The following ADAM32 variants were observed in gnomAD, a reference collection of about 807,000 sequenced individuals.
ADAM32 encodes ADAM metallopeptidase domain 32, also known as disintegrin and metalloproteinase domain-containing protein 32.
A neutral mutation model predicts 114.9 loss-of-function variants in ADAM32; 89 were observed. The ratio of observed to expected loss-of-function variants is 0.77; its 90% confidence interval spans 0.65 to 0.92. ADAM32 has a LOEUF of 0.92. ADAM32 is among the 40% of genes least tolerant of loss of function. The probability of loss-of-function intolerance (pLI) is 0.00; values close to 1 mark genes in which losing one functional copy is unlikely to be tolerated. For missense variants in ADAM32, 870 were observed against 932.8 expected (o/e 0.93, Z 0.88); for synonymous variants, 285 against 307.5 (o/e 0.93, Z 0.77).
chr8:39,144,814 A>G (rs1393468029), intron 3 of ADAM32, among the ~76,000 whole-genome samples: 3 of 152,214 alleles, frequency 2.0e-5, no homozygotes, highest in South Asian at 2.1e-4. Flanking sequence ...AGCCACAGCA[A>G]TTAGGCAAGA....
chr8:39,211,111 A>G (rs1357216401), intron 11 of ADAM32, 33 bp from the exon 12 acceptor site: 1 of 1,394,646 alleles, frequency 7.2e-7, no homozygotes, highest in Non-Finnish European at 9.4e-7. Context: ...CCAGAAGTAT[A>G]CTGCCAATGA....
At chr8:39,268,854 G>C (rs1259866724) in intron 19 of ADAM32, among the ~76,000 whole-genome samples, 1 of 152,158 alleles carries the variant, frequency 6.6e-6, no homozygotes, top group Non-Finnish European at 1.5e-5. Context: ...AGTAGGATCA[G>C]AATAGTCACC....
chr8:39,260,561 G>A (rs183218947), intron 19 of ADAM32, among the ~76,000 whole-genome samples: 2 of 152,140 alleles, frequency 1.3e-5, no homozygotes, highest in South Asian at 2.1e-4. Context: ...TGTATCTGTT[G>A]AGTGTATTTT....
Position 39,254,498 on chromosome 8 carries a change from T to A in ADAM32, c.1987T>A (p.Phe663Ile), listed in dbSNP as rs755051358. The change falls in exon 18 of 25, where the codon TTT becomes ATT. Residue 663 changes from phenylalanine (F) to isoleucine (I), a missense_variant. Physicochemically the swap from Phe to Ile is conservative, Grantham distance 21. Coordinates refer to ENST00000379907, the MANE Select transcript of ADAM32 (RefSeq NM_145004.7). ...AATACGTTCCAAAGGATTTTCCATATTTCCTGAGGAAGATATGGGCAAGTA... is the reference window on the plus strand; with the variant it reads ...AATACGTTCCAAAGGATTTTCCATAATTCCTGAGGAAGATATGGGCAAGTA... ...CQIRSKGFSIFPEEDMGSIME... is the reference protein window; with the variant it reads ...CQIRSKGFSIIPEEDMGSIME... 73 of 1,585,566 alleles carry A rather than the reference T, an allele frequency of 4.6e-5. No individual in the cohort carries two copies. Among genetic ancestry groups the A allele is most frequent in the Non-Finnish European group, 6.3e-5 (73 of 1,164,360 alleles).
At chr8:39,215,633 C>T (rs1213547139) in intron 12 of ADAM32, among the ~76,000 whole-genome samples, 3 of 151,954 alleles carry the variant, frequency 2.0e-5, no homozygotes, top group East Asian at 1.9e-4. Flanking sequence ...TTGTTAATCT[C>T]CTCATTGACC....
intron 16 of ADAM32, among the ~76,000 whole-genome samples, chr8:39,237,168 A>T (rs1810206554): frequency 6.6e-6 from 1 of 152,174 alleles, no homozygotes; most frequent in Admixed American, 6.5e-5. Flanking sequence ...AAACCATAAA[A>T]GTAGAAGAAG....
intron 17 of ADAM32, among the ~76,000 whole-genome samples, chr8:39,248,904 C>CT (rs373072424): frequency 0.21 from 28,746 of 134,066 alleles, 3,368 homozygotes; most frequent in East Asian, 0.28. Flanking sequence ...TGAGTGTTGA[C>CT]TTTTTTTTTT....
chr8:39,185,946 G>C (rs1806212230), intron 10 of ADAM32, among the ~76,000 whole-genome samples: 2 of 144,328 alleles, frequency 1.4e-5, no homozygotes, highest in African/African-American at 5.9e-5. Context: ...GCTGGCAAGG[G>C]AAGTAAAGAG....
intron 10 of ADAM32, among the ~76,000 whole-genome samples, chr8:39,171,102 T>C (rs1470701243): frequency 1.3e-5 from 2 of 152,018 alleles, no homozygotes; most frequent in African/African-American, 4.8e-5. Context: ...ACCAGCTAAC[T>C]TTTTTGTATT....
intron 19 of ADAM32, among the ~76,000 whole-genome samples, chr8:39,268,532 A>C (rs904656168): frequency 3.3e-5 from 5 of 152,186 alleles, no homozygotes; most frequent in East Asian, 1.9e-4. Context: ...CAAACATGTT[A>C]TCTCAGTCTA....
intron 2 of ADAM32, among the ~76,000 whole-genome samples, chr8:39,121,615 G>A (rs1159830594): frequency 1.3e-5 from 2 of 152,148 alleles, no homozygotes; most frequent in Non-Finnish European, 2.9e-5. Context: ...AAGAAAAAGA[G>A]AAGAATGACC....
At chr8:39,272,168 T>C (rs2129451374) in intron 20 of ADAM32, among the ~76,000 whole-genome samples, 1 of 146,318 alleles carries the variant, frequency 6.8e-6, no homozygotes, top group East Asian at 2.0e-4. Context: ...GTAGGATGAA[T>C]AGGGACAAAA....
chr8:39,230,642 A>G (rs1325082871), intron 14 of ADAM32, among the ~76,000 whole-genome samples: 1 of 152,198 alleles, frequency 6.6e-6, no homozygotes, highest in South Asian at 2.1e-4. Flanking sequence ...AGCATTGCCT[A>G]TCCTCATGGA....
chr8:39,222,664 T>A (rs921906321), intron 13 of ADAM32, among the ~76,000 whole-genome samples: 3 of 152,074 alleles, frequency 2.0e-5, no homozygotes, highest in African/African-American at 7.2e-5. Context: ...ATTCCACACT[T>A]AAAAACCATG....
At chr8:39,236,153 C>T (rs985375026) in intron 16 of ADAM32, among the ~76,000 whole-genome samples, 1 of 152,128 alleles carries the variant, frequency 6.6e-6, no homozygotes, top group Non-Finnish European at 1.5e-5. Flanking sequence ...ATTTTTTATA[C>T]GTTCCATAAT....
intron 11 of ADAM32, among the ~76,000 whole-genome samples, chr8:39,191,283 TGG>T (rs1242905972): frequency 6.6e-6 from 1 of 152,234 alleles, no homozygotes; most frequent in Admixed American, 6.5e-5. Flanking sequence ...GTCACATTGC[TGG>T]GTTGAATGGT....
At chr8:39,222,285 A>G (rs1274073081) in intron 13 of ADAM32, among the ~76,000 whole-genome samples, 2 of 152,028 alleles carry the variant, frequency 1.3e-5, no homozygotes, top group African/African-American at 2.4e-5. Flanking sequence ...GTTTCTCATA[A>G]GAGAATACCT....
At chr8:39,191,255 T>C (rs926476046) in intron 11 of ADAM32, among the ~76,000 whole-genome samples, 2 of 152,212 alleles carry the variant, frequency 1.3e-5, no homozygotes, top group South Asian at 4.1e-4. Flanking sequence ...TTATATTCCT[T>C]TGGGTATATA....
intron 6 of ADAM32, chr8:39,157,686 G>A: frequency 1.2e-6 from 1 of 831,610 alleles, no homozygotes; most frequent in Non-Finnish European, 2.0e-6. Flanking sequence ...TGCTTGGTCT[G>A]CATCAAGACT....
Sources: allele counts gnomAD v4.1 joint callset (sites outside exome capture counted in the v4.1 genomes callset), GRCh38; gene constraint gnomAD v4.1.1; transcripts MANE v1.5; gene names NCBI Gene and HGNC (gene_info 2026-07-23, HGNC 2026-07-21).